Variants in COPS2 observed in about 807,000 individuals in gnomAD.
COPS2 encodes COP9 signalosome subunit 2, also known as COP9 signalosome complex subunit 2.
Under a neutral mutation model 66.1 loss-of-function variants are expected in COPS2, and 10 were observed. That is an observed-to-expected ratio of 0.15 (90% confidence interval 0.09 to 0.26). The LOEUF is 0.26. Ranked by LOEUF, COPS2 falls within the 10% of genes least tolerant of loss-of-function variation. COPS2 has a pLI of 1.00. For missense variants in COPS2, 215 were observed against 513.3 expected (o/e 0.42, Z 5.62); for synonymous variants, 179 against 171.3 (o/e 1.04, Z -0.35).
In COPS2 at chr15:49,126,984, A is replaced by C. The variant is rs1279992332; in HGVS notation, c.*966T>G. 6.6e-6 allele frequency: 1 copy of C among 152,116 alleles called. No individual in the cohort carries two copies. Among genetic ancestry groups the C allele is most frequent in the Non-Finnish European group, 1.5e-5 (1 of 67,976 alleles). The allele number at this position is 152,116 out of a possible 1,614,324, so 9.4% of individuals were successfully genotyped here. A position where few individuals can be genotyped will look rare whatever the true frequency, so the allele number is the denominator to read the frequency against. ...GGTAGATTGCTGGCATTAGGAAATA[A>C]CCTTCCAGCATGATCACTATGCAGA... is the stretch of plus-strand genomic sequence containing the variant. On this transcript the variant is annotated 3_prime_UTR_variant, in exon 13 of 13. Coordinates refer to ENST00000388901, the MANE Select transcript of COPS2 (RefSeq NM_004236.4).
At chr15:49,148,902 T>C (rs2084339430) in intron 1 of COPS2, among the ~76,000 whole-genome samples, 1 of 152,216 alleles carries the variant, frequency 6.6e-6, no homozygotes, top group Non-Finnish European at 1.5e-5. Context: ...CATGATGCCA[T>C]TACTCAGAAT....
intron 1 of COPS2, among the ~76,000 whole-genome samples, chr15:49,155,271 G>T (rs2084414551): frequency 6.6e-6 from 1 of 152,246 alleles, no homozygotes; most frequent in Admixed American, 6.5e-5. Context: ...CGTGTAAACC[G>T]AAGAGGCGCT....
intron 1 of COPS2, among the ~76,000 whole-genome samples, chr15:49,151,273 G>A (rs2084358699): frequency 6.6e-6 from 1 of 151,882 alleles, no homozygotes; most frequent in African/African-American, 2.4e-5. Context: ...GGTGGTGGGT[G>A]CCTGTGGTCC....
intron 1 of COPS2, among the ~76,000 whole-genome samples, chr15:49,152,426 T>C (rs2084369274): frequency 6.6e-6 from 1 of 152,036 alleles, no homozygotes; most frequent in South Asian, 2.1e-4. Flanking sequence ...GGAAGAGCTA[T>C]TTAATAGAAC....
chr15:49,130,667 C>CT, intron 10 of COPS2, 52 bp downstream of exon 10: 3 of 1,105,566 alleles, frequency 2.7e-6, no homozygotes, highest in Non-Finnish European at 4.1e-6. Flanking sequence ...AGTGGCATTT[C>CT]TTTGACAGTG....
chr15:49,128,784 AC>A, intron 11 of COPS2, 24 bp from the exon 12 acceptor site: 1 of 1,466,722 alleles, frequency 6.8e-7, no homozygotes, highest in Non-Finnish European at 9.4e-7. Flanking sequence ...CTTGTTATAT[AC>A]CAATTAACAT....
intron 11 of COPS2, 110 bp downstream of exon 11, chr15:49,129,364 GTAT>G (rs35181192): frequency 0.075 from 31,400 of 417,358 alleles, 1,496 homozygotes; most frequent in East Asian, 0.16. Flanking sequence ...TTTAAAAAAT[GTAT>G]TATTATAATA....
At chr15:49,134,265 C>T in intron 7 of COPS2, 75 bp downstream of exon 7, 2 of 1,505,212 alleles carry the variant, frequency 1.3e-6, no homozygotes, top group Admixed American at 4.1e-5. Context: ...CACTGAAGTT[C>T]TAAAAAGCAA....
intron 1 of COPS2, among the ~76,000 whole-genome samples, chr15:49,151,991 A>G (rs1414081643): frequency 6.6e-6 from 1 of 151,966 alleles, no homozygotes; most frequent in Non-Finnish European, 1.5e-5. Flanking sequence ...GTTAAAATAT[A>G]TCATTGGACG....
At chr15:49,141,504 A>C (rs1242676387) in intron 3 of COPS2, among the ~76,000 whole-genome samples, 1 of 152,126 alleles carries the variant, frequency 6.6e-6, no homozygotes, top group Non-Finnish European at 1.5e-5. Context: ...ACTTCATCTC[A>C]AAAGAAAAAA....
chr15:49,133,876 AACATTTATTTC>A, intron 8 of COPS2, 43 bp downstream of exon 8: 1 of 1,551,450 alleles, frequency 6.4e-7, no homozygotes, highest in Non-Finnish European at 8.7e-7. Flanking sequence ...AAAAAGAAAT[AACATTTATTTC>A]CAGATAGCTG....
intron 11 of COPS2, among the ~76,000 whole-genome samples, chr15:49,128,962 A>G (rs1394563972): frequency 6.6e-6 from 1 of 152,204 alleles, no homozygotes; most frequent in Non-Finnish European, 1.5e-5. Flanking sequence ...TCTGAAGCAC[A>G]TTCCTGCAAC....
chr15:49,151,931 C>T (rs2084364730), intron 1 of COPS2, among the ~76,000 whole-genome samples: 1 of 150,944 alleles, frequency 6.6e-6, no homozygotes, highest in Admixed American at 6.6e-5. Context: ...CAGGTGGTAT[C>T]CTAACTACCT....
rs2084147531 is a variant in COPS2, at chr15:49,124,319, C to G, written c.*3631G>C. Reference sequence around the variant, plus strand: ...CCCGGGAGGTGGAGGTGGCAGTGAACTGAGATTGCGCCACTGCACTCCAGC... The same window carrying G: ...CCCGGGAGGTGGAGGTGGCAGTGAAGTGAGATTGCGCCACTGCACTCCAGC... On this transcript the variant is annotated 3_prime_UTR_variant, in exon 13 of 13. Coordinates refer to ENST00000388901, the MANE Select transcript of COPS2 (RefSeq NM_004236.4). 6.6e-6 allele frequency: 1 copy of G among 152,096 alleles called. No homozygotes were observed. The highest frequency in any genetic ancestry group is 6.5e-5 in the Admixed American group (1 of 15,270). The allele number at this position is 152,096 out of a possible 1,614,324, so 9.4% of individuals were successfully genotyped here.
At chr15:49,139,442 T>G (rs939754803) in intron 4 of COPS2, 86 bp downstream of exon 4, 3 of 1,051,476 alleles carry the variant, frequency 2.9e-6, no homozygotes, top group Non-Finnish European at 4.3e-6. Flanking sequence ...ATAGAAGCTC[T>G]AGGCCTTTCC....
chr15:49,133,219 A>G (rs1206384479), intron 9 of COPS2, among the ~76,000 whole-genome samples: 1 of 152,014 alleles, frequency 6.6e-6, no homozygotes, highest in East Asian at 1.9e-4. Context: ...TGATCTCCTG[A>G]TCTTGTGATC....
intron 1 of COPS2, among the ~76,000 whole-genome samples, chr15:49,146,742 T>C (rs1269124903): frequency 6.6e-6 from 1 of 152,176 alleles, no homozygotes; most frequent in Non-Finnish European, 1.5e-5. Context: ...TTCTCCTTTT[T>C]AAGTTCTAAT....
intron 9 of COPS2, 146 bp downstream of exon 9, chr15:49,133,613 T>C: frequency 5.2e-6 from 3 of 581,148 alleles, no homozygotes; most frequent in Non-Finnish European, 9.1e-6. Context: ...ATAAATAACC[T>C]CAGAAGATAA....
chr15:49,155,441 CGGGG>C, intron 1 of COPS2, 80 bp downstream of exon 1: 1 of 1,286,168 alleles, frequency 7.8e-7, no homozygotes, highest in Non-Finnish European at 1.1e-6. Flanking sequence ...ACATGCTCTA[CGGGG>C]AGAGGCCGCG....
Sources: allele counts gnomAD v4.1 joint callset (sites outside exome capture counted in the v4.1 genomes callset), GRCh38; gene constraint gnomAD v4.1.1; transcripts MANE v1.5; gene names NCBI Gene and HGNC (gene_info 2026-07-23, HGNC 2026-07-21).